The following PCGF3 variants were observed in gnomAD, a reference collection of about 807,000 sequenced individuals.
The protein encoded by PCGF3 is polycomb group ring finger 3, also known as polycomb group RING finger protein 3.
A neutral mutation model predicts 33.1 loss-of-function variants in PCGF3; 7 were observed. That is an observed-to-expected ratio of 0.21 (90% CI 0.12 to 0.40). The LOEUF is 0.40. PCGF3 is among the 10% of genes least tolerant of loss of function. PCGF3 has a pLI of 1.00. For synonymous variants in PCGF3, 153 were observed against 121.3 expected (o/e 1.26, Z -1.72); for missense variants, 211 against 313.3 (o/e 0.67, Z 2.46).
At chr4:715,696 G>A (rs368491911) in intron 1 of PCGF3, among the ~76,000 whole-genome samples, 1 of 121,714 alleles carries the variant, frequency 8.2e-6, no homozygotes, top group African/African-American at 3.1e-5. Flanking sequence ...ACTGGGCGTC[G>A]GTGCTGGGAC....
chr4:743,526 G>A (rs1744185082), exon 7 of PCGF3: 16 of 1,613,788 alleles, frequency 9.9e-6, no homozygotes, highest in Non-Finnish European at 1.1e-5. Flanking sequence ...TGGAGGTGCC[G>A]GGAGACATCA....
In PCGF3 at chr4:721,856, G is replaced by C. The variant is rs1290984524; in HGVS notation, c.-189-8774G>C. Among the ~76,000 whole-genome samples the C allele has an allele frequency of 1.3e-5, 2 of 149,246 alleles. No homozygotes were observed. The highest frequency in any genetic ancestry group is 3.0e-5 in the Non-Finnish European group (2 of 67,654). On this transcript the variant is annotated intron_variant, in intron 1 of 10. Coordinates refer to ENST00000362003, the Ensembl canonical transcript of PCGF3. This position sits in a 1 kb window ranked among gnomAD's most constrained non-coding sequence, Gnocchi z 4.1. ...GTCTCTGCATGTGGGTGTGGAAAGA[G>C]GCCTGTGGGAGACTGGTGGATGGGT...
chr4:733,620 T>A (rs1342907225), intron 3 of PCGF3, 52 bp from the exon 4 acceptor site: 49 of 1,548,826 alleles, frequency 3.2e-5, no homozygotes, highest in Non-Finnish European at 3.9e-5. Flanking sequence ...CAGCCAAGGA[T>A]GAAAGGCATG....
intron 1 of PCGF3, among the ~76,000 whole-genome samples, chr4:722,944 CGCG>C (rs1743169302): frequency 1.5e-5 from 2 of 135,720 alleles, no homozygotes; most frequent in African/African-American, 5.6e-5. Context: ...GGTCCACACT[CGCG>C]ACATCGCCCG....
At chr4:749,268 G>A (rs1221701277) in intron 8 of PCGF3, among the ~76,000 whole-genome samples, 4 of 152,002 alleles carry the variant, frequency 2.6e-5, no homozygotes, top group East Asian at 1.9e-4. Flanking sequence ...ATGTTCAAGC[G>A]ATTATCCTGC....
chr4:721,150 T>A lies in PCGF3; in HGVS notation c.-189-9480T>A, dbSNP rs564520636. Among the ~76,000 whole-genome samples, 2 of 151,978 alleles carry A rather than the reference T, an allele frequency of 1.3e-5. No individual in the cohort carries two copies. The highest frequency in any genetic ancestry group is 1.3e-4 in the Admixed American group (2 of 15,270). On this transcript the variant is annotated intron_variant, in intron 1 of 10. Transcript: ENST00000362003. This position sits in a 1 kb window ranked among gnomAD's most constrained non-coding sequence, Gnocchi z 4.1. ...GGCGGTGGTGACGATTTCATGGATG[T>A]TTGTGAAACCAACCTCACTGCCCCA...
chr4:761,134 G>A, intron 8 of PCGF3, 145 bp from the exon 9 acceptor site: 1 of 517,582 alleles, frequency 1.9e-6, no homozygotes, highest in Non-Finnish European at 3.3e-6. Flanking sequence ...TTCTTTTTCT[G>A]CAGTGTTGAA....
chr4:755,404 G>C (rs1411133746), intron 8 of PCGF3, among the ~76,000 whole-genome samples: 3 of 152,130 alleles, frequency 2.0e-5, no homozygotes, highest in Non-Finnish European at 4.4e-5. Flanking sequence ...GCCCATCTCT[G>C]TCCTGGGAAG....
intron 8 of PCGF3, among the ~76,000 whole-genome samples, chr4:752,815 C>T (rs1744585452): frequency 6.6e-6 from 1 of 152,262 alleles, no homozygotes; most frequent in Admixed American, 6.5e-5. Flanking sequence ...CCAGAGATTC[C>T]CGCCGCCTTC....
At chr4:725,971 G>A (rs1248971599) in intron 1 of PCGF3, among the ~76,000 whole-genome samples, 3 of 152,176 alleles carry the variant, frequency 2.0e-5, no homozygotes, top group African/African-American at 2.4e-5. Context: ...TTAACCCTCA[G>A]GTCGTCCCAG....
At chr4:764,908 A>C (rs946351986) in intron 9 of PCGF3, 76 bp from the exon 10 acceptor site, 3 of 972,866 alleles carry the variant, frequency 3.1e-6, no homozygotes, top group East Asian at 2.4e-5. Flanking sequence ...TGCAGATTTC[A>C]TACCAGCATC....
At chr4:740,155 C>T (rs776998200) in intron 6 of PCGF3, among the ~76,000 whole-genome samples, 16 of 152,240 alleles carry the variant, frequency 1.1e-4, no homozygotes, top group Non-Finnish European at 2.1e-4. Flanking sequence ...GCGTTAGCTG[C>T]GAGGATGCAG....
chr4:767,688 G>A (rs1351962097), exon 11 of PCGF3: 1 of 152,294 alleles, frequency 6.6e-6, no homozygotes, highest in African/African-American at 2.4e-5. Context: ...TAAAACAAAA[G>A]CAAGTTCTTT....
At chr4:761,997 T>C (rs1372556118) in intron 9 of PCGF3, 2 of 985,120 alleles carry the variant, frequency 2.0e-6, no homozygotes, top group Non-Finnish European at 2.4e-6. Flanking sequence ...TGTGCAGAAA[T>C]GGACGCAGGA....
In PCGF3 at chr4:761,635, T is replaced by A. The variant is rs1425609115; in HGVS notation, c.600+219T>A. 3.1e-6 allele frequency: 3 copies of A among 980,310 alleles called. No homozygotes were observed. The African/African-American group carries it at 5.3e-5, about 17-fold the overall frequency. The allele number at this position is 980,310 out of a possible 1,614,324, so 60.7% of individuals were successfully genotyped here. On this transcript the variant is annotated intron_variant, in intron 9 of 10. Transcript: ENST00000362003. ...AGGGAACGTGGAATGCTACTGTGAG[T>A]GGAAGAGAGAACTAGGGCGGGGATG...
At chr4:730,379 C>A (rs553193923) in intron 1 of PCGF3, among the ~76,000 whole-genome samples, 2 of 152,160 alleles carry the variant, frequency 1.3e-5, no homozygotes, top group Admixed American at 1.3e-4. Flanking sequence ...TGCCCCCCCA[C>A]CCCCGTGGGC....
At chr4:709,933 C>A (rs935363833) in intron 1 of PCGF3, among the ~76,000 whole-genome samples, 1 of 152,198 alleles carries the variant, frequency 6.6e-6, no homozygotes, top group Non-Finnish European at 1.5e-5. Flanking sequence ...ATATCCTTTA[C>A]TGTTTTTTAA....
chr4:719,594 A>G (rs1742993408), intron 1 of PCGF3, among the ~76,000 whole-genome samples: 1 of 152,250 alleles, frequency 6.6e-6, no homozygotes, highest in Non-Finnish European at 1.5e-5. Flanking sequence ...GTCAGGGAAC[A>G]GGAGCGAGGC....
chr4:729,414 CA>C (rs35325787), intron 1 of PCGF3, among the ~76,000 whole-genome samples: 134 of 138,962 alleles, frequency 9.6e-4, no homozygotes, highest in Non-Finnish European at 7.6e-4. Context: ...GATCCTGTCT[CA>C]AAAAAAAAAA....
Sources: allele counts gnomAD v4.1 joint callset (sites outside exome capture counted in the v4.1 genomes callset), GRCh38; gene constraint gnomAD v4.1.1; non-coding constraint Gnocchi (gnomAD v3.1); transcripts MANE v1.5; gene names NCBI Gene and HGNC (gene_info 2026-07-23, HGNC 2026-07-21).